The following CFHR1 variants were observed in gnomAD, a reference collection of about 807,000 sequenced individuals.
CFHR1 encodes the protein complement factor H related 1.
In CFHR1, 22 loss-of-function variants were observed where a neutral mutation model predicts 30.4. The observed-to-expected ratio is 0.72, with a 90% CI of 0.52 to 1.03. The LOEUF is 1.03. Ranked by LOEUF, CFHR1 falls within the 50% of genes least tolerant of loss-of-function variation. CFHR1 has a pLI of 0.00. For synonymous variants in CFHR1, 95 were observed against 129.1 expected, an observed-to-expected ratio of 0.74 and a Z score of 1.79; for missense variants, 248 against 380.6, an observed-to-expected ratio of 0.65 and a Z score of 2.90.
chr1:196,830,398 C>T, intron 4 of CFHR1, 102 bp from the exon 5 acceptor site: 1 of 1,260,740 alleles, frequency 7.9e-7, no homozygotes, highest in South Asian at 1.4e-5. Flanking sequence ...AATCACAAAA[C>T]TGTTGATATT....
chr1:196,826,969 C>T lies in CFHR1; in HGVS notation c.394C>T (p.Arg132Trp), dbSNP rs747847034. The change falls in exon 3 of 6, where the codon CGG (arginine) becomes TGG (tryptophan). Residue 132 changes from arginine (R) to tryptophan (W), a missense_variant. Coordinates refer to ENST00000320493, the MANE Select transcript of CFHR1 (RefSeq NM_002113.3). ...NNENNISCVERGWSTPPKCRS... is the reference protein window; with the variant it reads ...NNENNISCVEWGWSTPPKCRS... The stretch of plus-strand genomic sequence containing the variant: ...TGAGAACAACATTTCATGTGTAGAA[C>T]GGGGCTGGTCCACCCCTCCCAAATG... 9.2e-6 allele frequency: 14 copies of T among 1,525,312 alleles called. 2 individuals are homozygous for T. The Admixed American group carries it at 1.7e-4, about 19-fold the overall frequency. 94.5% of individuals were successfully genotyped at this position (1,525,312 alleles called of 1,614,324 possible).
chr1:196,825,260 A>G (rs1655277920), intron 1 of CFHR1: 2 of 391,880 alleles, frequency 5.1e-6, no homozygotes, highest in South Asian at 2.9e-5. Context: ...TCCAAAATAT[A>G]AATTTTATAT....
chr1:196,822,218 A>G (rs1655144194), intron 1 of CFHR1, among the ~76,000 whole-genome samples: 1 of 110,270 alleles, frequency 9.1e-6, no homozygotes, highest in Non-Finnish European at 1.8e-5. Context: ...AATTTATTTT[A>G]TTTATTTATT....
At position 196,825,917 on chromosome 1, in the gene CFHR1, T is replaced by A. The variant is rs1437050137; in HGVS notation, c.253+246T>A. ...ATATATTAATTTTTTTAAACTGATC[T>A]TTAATATATTTGACTGCTAATATTT... On this transcript the variant is annotated intron_variant, in intron 2 of 5. Transcript: ENST00000320493. 11 of 348,646 alleles carry A rather than the reference T, an allele frequency of 3.2e-5. 1 individual carries two copies. Among genetic ancestry groups the A allele is most frequent in the South Asian group, 5.3e-5 (1 of 18,912 alleles). The allele number at this position is 348,646 out of a possible 1,614,324, so 21.6% of individuals were successfully genotyped here.
rs1276686115 is a variant in CFHR1, at chr1:196,831,539, T to C, written c.791-258T>C. Among the ~76,000 whole-genome samples the C allele has an allele frequency of 1.5e-5, 2 of 135,980 alleles. 1 individual carries two copies. Among genetic ancestry groups the C allele is most frequent in the African/African-American group, 6.3e-5 (2 of 31,978 alleles). 89.2% of individuals were successfully genotyped at this position (135,980 alleles called of 152,430 possible). On this transcript the variant is annotated intron_variant, in intron 5 of 5. Transcript: ENST00000320493. ...AATGATAAGTTCTAAAATGCAGGGA[T>C]CCTAAAATGACAACTGATGTAATGA...
chr1:196,829,521 T>G lies in CFHR1; in HGVS notation c.608-979T>G, dbSNP rs188416616. Among the ~76,000 whole-genome samples the G allele has an allele frequency of 3.8e-3, 513 of 134,958 alleles. 90 individuals are homozygous for G. Among genetic ancestry groups the G allele is most frequent in the Non-Finnish European group, 6.3e-3 (404 of 64,146 alleles). The allele number at this position is 134,958 out of a possible 152,430, so 88.5% of individuals were successfully genotyped here. A position where few individuals can be genotyped will look rare whatever the true frequency, so the allele number is the denominator to read the frequency against. ...GCATAGGTCTACTGGAGACAAATTC[T>G]CTTGGTTTCCCTTTCTCTGAGAATG... is the stretch of plus-strand genomic sequence containing the variant. On this transcript the variant is annotated intron_variant, in intron 4 of 5. Coordinates refer to ENST00000320493, the MANE Select transcript of CFHR1 (RefSeq NM_002113.3).
chr1:196,828,170 G>A lies in CFHR1; in HGVS notation c.531G>A (p.Arg177=). 5 of 1,230,082 alleles carry A rather than the reference G, an allele frequency of 4.1e-6. No homozygotes were observed. Among genetic ancestry groups the A allele is most frequent in the Non-Finnish European group, 5.5e-6 (5 of 916,396 alleles). 76.2% of individuals were successfully genotyped at this position (1,230,082 alleles called of 1,614,324 possible). A position where few individuals can be genotyped will look rare whatever the true frequency, so the allele number is the denominator to read the frequency against. Residue 177 remains arginine (R), a synonymous_variant, in exon 4 of 6, where the codon AGG becomes AGA. Coordinates refer to ENST00000320493, the MANE Select transcript of CFHR1 (RefSeq NM_002113.3). Reference sequence around the variant, plus strand: ...GTGAGAGAGTACGTTATGAATGTAGGAGCCCTTATGAAATGTTTGGGGATG... The same window carrying A: ...GTGAGAGAGTACGTTATGAATGTAGAAGCCCTTATGAAATGTTTGGGGATG... The part of the protein sequence containing the change: ...PSGERVRYEC[R]SPYEMFGDEE...
Position 196,823,099 on chromosome 1 carries a change from A to ATGTG in CFHR1, c.59-2377_59-2376insGTGT, listed in dbSNP as rs1263974008. ...TGTACGACTGTATATATATATATAT[A>ATGTG]TATGTGTGTGTGTGTGTGTGTGTGT... is the stretch of plus-strand genomic sequence containing the variant. On this transcript the variant is annotated intron_variant, in intron 1 of 5. Transcript: ENST00000320493. 2.0e-3 allele frequency among the ~76,000 whole-genome samples: 90 copies of ATGTG among 45,714 alleles called. 17 individuals are homozygous for ATGTG. The highest frequency in any genetic ancestry group is 0.011 in the African/African-American group (83 of 7,628). 30.0% of individuals were successfully genotyped at this position (45,714 alleles called of 152,430 possible).
rs761231705 is a variant in CFHR1, at chr1:196,831,944, T to A, written c.938T>A (p.Leu313Ter). 1 of 1,525,354 alleles carries A rather than the reference T, an allele frequency of 6.6e-7. No homozygotes were observed. Among genetic ancestry groups the A allele is most frequent in the Admixed American group, 1.7e-5 (1 of 57,958 alleles). 94.5% of individuals were successfully genotyped at this position (1,525,354 alleles called of 1,614,324 possible). ...GYRLSSRSHTLRTTCWDGKLE... is the reference protein window; with the variant it reads ...GYRLSSRSHT The stretch of plus-strand genomic sequence containing the variant: ...CGTCTTTCATCACGTTCTCACACAT[T>A]GCGAACAACATGTTGGGATGGGAAA... The change falls in exon 6 of 6, where the codon TTG (leucine) becomes TAG (stop). Residue 313 changes from leucine to a stop codon, truncating the protein, a stop_gained. Coordinates refer to ENST00000320493, the MANE Select transcript of CFHR1 (RefSeq NM_002113.3). LOFTEE classifies it low-confidence loss of function (END_TRUNC).
At chr1:196,831,220 T>C (rs1443825934) in intron 5 of CFHR1, among the ~76,000 whole-genome samples, 1 of 136,494 alleles carries the variant, frequency 7.3e-6, no homozygotes, top group African/African-American at 3.1e-5. Context: ...TATACTTTCA[T>C]GTTTGACAAT....
In CFHR1 at chr1:196,822,404, G is replaced by A. The variant is rs12742990; in HGVS notation, c.58+2502G>A. 3.8e-5 allele frequency among the ~76,000 whole-genome samples: 5 copies of A among 132,964 alleles called. 1 individual carries two copies. The East Asian group carries it at 5.9e-4, about 16-fold the overall frequency. The allele number at this position is 132,964 out of a possible 152,430, so 87.2% of individuals were successfully genotyped here. ...TTTTACTTCATCAACTTTAATTTTT[G>A]TGTCTTTCGAGATAATATTTAGCTT... On this transcript the variant is annotated intron_variant, in intron 1 of 5. Coordinates refer to ENST00000320493, the MANE Select transcript of CFHR1 (RefSeq NM_002113.3).
chr1:196,824,328 G>A (rs1655239365), intron 1 of CFHR1, among the ~76,000 whole-genome samples: 1 of 133,476 alleles, frequency 7.5e-6, no homozygotes, highest in South Asian at 2.6e-4. Context: ...CATGATCTCC[G>A]CTCACTGCAA....
At position 196,831,650 on chromosome 1, in the gene CFHR1, C is replaced by G. The variant is rs866173420; in HGVS notation, c.791-147C>G. 68 of 1,107,830 alleles carry G rather than the reference C, an allele frequency of 6.1e-5. 11 individuals carry two copies. In the African/African-American group the frequency reaches 1.2e-3, roughly 20 times the overall value. The allele number at this position is 1,107,830 out of a possible 1,614,324, so 68.6% of individuals were successfully genotyped here. A position where few individuals can be genotyped will look rare whatever the true frequency, so the allele number is the denominator to read the frequency against. On this transcript the variant is annotated intron_variant, in intron 5 of 5. Transcript: ENST00000320493. ...ATTACCATTTTAAGTTTATTTAAAT[C>G]AATATGATGTTTTTACATAGTCGGT...
chr1:196,824,183 T>G (rs1181242762), intron 1 of CFHR1, among the ~76,000 whole-genome samples: 1 of 134,828 alleles, frequency 7.4e-6, no homozygotes, highest in Non-Finnish European at 1.6e-5. Context: ...CCAAGGATAC[T>G]CAAGTGTCTA....
At chr1:196,822,810 A>G (rs1655168750) in intron 1 of CFHR1, among the ~76,000 whole-genome samples, 1 of 135,336 alleles carries the variant, frequency 7.4e-6, no homozygotes, top group South Asian at 2.5e-4. Context: ...TATATGAAAT[A>G]CATTAACCAG....
Position 196,825,712 on chromosome 1 carries a change from G to C in CFHR1, c.253+41G>C, listed in dbSNP as rs371125562. 2 of 1,457,848 alleles carry C rather than the reference G, an allele frequency of 1.4e-6. 1 individual carries two copies. The highest frequency in any genetic ancestry group is 1.9e-6 in the Non-Finnish European group (2 of 1,071,436). 90.3% of individuals were successfully genotyped at this position (1,457,848 alleles called of 1,614,324 possible). On this transcript the variant is annotated intron_variant, in intron 2 of 5. Transcript: ENST00000320493. ...GTTCATTAAATGGATGTCATTCAGT[G>C]AATAGAGAAGGATATGCCAGACAAG...
Position 196,826,901 on chromosome 1 carries a change from C to A in CFHR1, c.326C>A (p.Thr109Asn), listed in dbSNP as rs758627301. 1 of 1,524,906 alleles carries A rather than the reference C, an allele frequency of 6.6e-7. No individual in the cohort carries two copies. The highest frequency in any genetic ancestry group is 8.9e-7 in the Non-Finnish European group (1 of 1,128,942). 94.5% of individuals were successfully genotyped at this position (1,524,906 alleles called of 1,614,324 possible). A position where few individuals can be genotyped will look rare whatever the true frequency, so the allele number is the denominator to read the frequency against. Residue 109 changes from threonine to asparagine, a missense_variant, in exon 3 of 6, where the codon ACT (threonine) becomes AAT (asparagine). Physicochemically the swap from Thr to Asn is moderately conservative, Grantham distance 65. Around this residue, in one of 3 missense-constraint regions of CFHR1, gnomAD observed 121 missense variants for 162.6 expected, o/e 0.74. Transcript: ENST00000320493. ...SSGQTHLEGD[T>N]VQIICNTGYR... The stretch of plus-strand genomic sequence containing the variant: ...GGACAAACACATCTGGAAGGTGATA[C>A]TGTGCAAATTATTTGCAACACAGGA...
In CFHR1 at chr1:196,825,330, C is replaced by T. The variant is rs563970108; in HGVS notation, c.59-147C>T. 82 of 584,044 alleles carry T rather than the reference C, an allele frequency of 1.4e-4. 23 individuals are homozygous for T. The African/African-American group carries it at 1.7e-3, about 12-fold the overall frequency. 36.2% of individuals were successfully genotyped at this position (584,044 alleles called of 1,614,324 possible). On this transcript the variant is annotated intron_variant, in intron 1 of 5. Transcript: ENST00000320493. Reference sequence around the variant, plus strand: ...TCCTAGTTAGTGATGCTTTTCATTCCTAATTTGTACACTGGAAAGCATTTA... The same window carrying T: ...TCCTAGTTAGTGATGCTTTTCATTCTTAATTTGTACACTGGAAAGCATTTA...
chr1:196,829,366 A>G (rs1172778413), intron 4 of CFHR1, among the ~76,000 whole-genome samples: 1 of 135,416 alleles, frequency 7.4e-6, no homozygotes, highest in African/African-American at 3.1e-5. Context: ...TATGAGGAAA[A>G]AGATATCGTG....
Sources: gnomAD v4.1 joint callset for allele counts (sites outside exome capture counted in the v4.1 genomes callset) on GRCh38, gnomAD v4.1.1 for gene constraint, gnomAD v4.1.1 regional missense constraint, MANE v1.5 for transcripts, NCBI Gene and HGNC (gene_info 2026-07-23, HGNC 2026-07-21) for gene names.